MAGI1: variants seen among roughly 807,000 people sequenced by gnomAD.
MAGI1 encodes the protein membrane-associated guanylate kinase, WW and PDZ domain-containing protein 1.
Under a neutral mutation model 139.9 loss-of-function variants are expected in MAGI1, and 58 were observed. That is an observed-to-expected ratio of 0.41 (90% CI 0.34 to 0.52). MAGI1 has a LOEUF of 0.52. MAGI1 is among the 20% of genes least tolerant of loss of function. The pLI is 0.12. For synonymous variants in MAGI1, 812 were observed against 737.9 expected (o/e 1.10, Z -1.63); for missense variants, 1,874 against 1,901.6 (o/e 0.99, Z 0.27).
intron 1 of MAGI1, among the ~76,000 whole-genome samples, chr3:65,927,701 C>A (rs1011641071): frequency 3.3e-5 from 5 of 152,170 alleles, no homozygotes; most frequent in African/African-American, 1.2e-4. Flanking sequence ...GCTGGCAGTT[C>A]CTGTGGAAAG....
chr3:65,624,278 C>A (rs6445490), intron 1 of MAGI1, among the ~76,000 whole-genome samples: 1 of 151,568 alleles, frequency 6.6e-6, no homozygotes, highest in African/African-American at 2.4e-5. Flanking sequence ...ATTTACATGA[C>A]AGAAATGAAA....
intron 8 of MAGI1, among the ~76,000 whole-genome samples, chr3:65,440,585 G>A (rs6798690): frequency 0.3 from 45,566 of 151,974 alleles, 7,872 homozygotes; most frequent in East Asian, 0.7. Context: ...GTTCACAGAA[G>A]CATAAGCATT....
At chr3:66,037,925 G>A (rs1355812365) in intron 1 of MAGI1, 71 bp downstream of exon 1, 1 of 1,509,364 alleles carries the variant, frequency 6.6e-7, no homozygotes, top group African/African-American at 1.4e-5. Context: ...GCAGGAAATC[G>A]AGAATAAGGG....
chr3:66,003,383 C>G (rs768005392), intron 1 of MAGI1, among the ~76,000 whole-genome samples: 3 of 152,026 alleles, frequency 2.0e-5, no homozygotes, highest in East Asian at 3.9e-4. Flanking sequence ...AGGACATGCA[C>G]GGTGGCTCAT....
At chr3:65,988,851 C>G (rs1003135588) in intron 1 of MAGI1, among the ~76,000 whole-genome samples, 1 of 152,168 alleles carries the variant, frequency 6.6e-6, no homozygotes, top group African/African-American at 2.4e-5. Context: ...CACCCACTGA[C>G]TTATTAACAA....
chr3:65,884,918 C>G (rs2060472917), intron 1 of MAGI1, among the ~76,000 whole-genome samples: 1 of 152,084 alleles, frequency 6.6e-6, no homozygotes, highest in Non-Finnish European at 1.5e-5. Context: ...AGATCTAAAA[C>G]CAAGTAATTC....
At position 65,737,955 on chromosome 3, in the gene MAGI1, C is replaced by T. The variant is rs188173501; in HGVS notation, c.314-115867G>A. Among the ~76,000 whole-genome samples the T allele has an allele frequency of 2.0e-5, 3 of 152,272 alleles. No homozygotes were observed. In the East Asian group the frequency reaches 5.8e-4, roughly 29 times the overall value. ...CTCCTAAAATCAGATTCCACATTCC[C>T]TTACAATATTCTAACTTGAAAATAA... On this transcript the variant is annotated intron_variant, in intron 1 of 22. Transcript: ENST00000402939.
chr3:65,892,398 G>A (rs1559984263), intron 1 of MAGI1, among the ~76,000 whole-genome samples: 1 of 152,064 alleles, frequency 6.6e-6, no homozygotes, highest in Admixed American at 6.6e-5. Flanking sequence ...TAAAATAATA[G>A]CAGAATCAGA....
chr3:65,536,790 T>C (rs1165045203), intron 2 of MAGI1, among the ~76,000 whole-genome samples: 1 of 152,100 alleles, frequency 6.6e-6, no homozygotes, highest in Non-Finnish European at 1.5e-5. Flanking sequence ...GATGCTAAGC[T>C]TCAAGGATGG....
chr3:65,602,011 A>G lies in MAGI1; in HGVS notation c.430+19961T>C, dbSNP rs558678516. On this transcript the variant is annotated intron_variant, in intron 2 of 22. Transcript: ENST00000402939. ...CAACAAGCATATGGGAAGATGCTCAACAAATCAAAACCACAATGACATCCC... is the reference window on the plus strand; with the variant it reads ...CAACAAGCATATGGGAAGATGCTCAGCAAATCAAAACCACAATGACATCCC... Among the ~76,000 whole-genome samples, 3 of 152,270 alleles carry G rather than the reference A, an allele frequency of 2.0e-5. No individual in the cohort carries two copies. The East Asian group carries it at 5.8e-4, about 29-fold the overall frequency.
chr3:65,390,453 T>C (rs950777545), intron 14 of MAGI1, among the ~76,000 whole-genome samples: 4 of 152,158 alleles, frequency 2.6e-5, no homozygotes, highest in African/African-American at 9.7e-5. Flanking sequence ...GGAACTTTCA[T>C]TGGTAAGATA....
At chr3:65,461,912 A>G (rs1949824378) in intron 5 of MAGI1, among the ~76,000 whole-genome samples, 1 of 152,274 alleles carries the variant, frequency 6.6e-6, no homozygotes, top group East Asian at 1.9e-4. Context: ...TGTTGGCCAC[A>G]TAAATGTCTT....
intron 1 of MAGI1, among the ~76,000 whole-genome samples, chr3:65,713,174 G>A (rs974407209): frequency 1.3e-5 from 2 of 152,114 alleles, no homozygotes; most frequent in South Asian, 2.1e-4. Context: ...TGCTGTTTGT[G>A]GGCATAAAAC....
At chr3:66,002,573 T>C (rs935396974) in intron 1 of MAGI1, among the ~76,000 whole-genome samples, 8 of 152,150 alleles carry the variant, frequency 5.3e-5, no homozygotes, top group African/African-American at 1.2e-4. Flanking sequence ...TGGAGTACAG[T>C]GGCGCGATCT....
intron 2 of MAGI1, among the ~76,000 whole-genome samples, chr3:65,530,433 A>T (rs2078589771): frequency 6.6e-6 from 1 of 151,806 alleles, no homozygotes; most frequent in African/African-American, 2.4e-5. Flanking sequence ...GGGCAATGTA[A>T]TGAGACCCCG....
At position 65,688,179 on chromosome 3, in the gene MAGI1, G is replaced by A. The variant is rs577881531; in HGVS notation, c.314-66091C>T. 428 of 763,862 alleles carry A rather than the reference G, an allele frequency of 5.6e-4. 1 individual carries two copies. The highest frequency in any genetic ancestry group is 7.1e-4 in the South Asian group (53 of 74,744). The allele number at this position is 763,862 out of a possible 1,614,324, so 47.3% of individuals were successfully genotyped here. A position where few individuals can be genotyped will look rare whatever the true frequency, so the allele number is the denominator to read the frequency against. On this transcript the variant is annotated intron_variant, in intron 1 of 22. Transcript: ENST00000402939. The stretch of plus-strand genomic sequence containing the variant: ...GGGTATCACTGACCCCCGTGAGAGC[G>A]GCAACTTCAGAGTACACACAGTCAT...
At chr3:65,635,807 G>A (rs2084582888) in intron 1 of MAGI1, among the ~76,000 whole-genome samples, 1 of 152,218 alleles carries the variant, frequency 6.6e-6, no homozygotes, top group Non-Finnish European at 1.5e-5. Context: ...ATTGCAAACT[G>A]TATTCTAATA....
chr3:65,861,408 G>C (rs59459025), intron 1 of MAGI1, among the ~76,000 whole-genome samples: 27 of 152,222 alleles, frequency 1.8e-4, no homozygotes, highest in African/African-American at 6.3e-4. Context: ...TAAAGACTTG[G>C]AGTTTGCAAT....
intron 2 of MAGI1, among the ~76,000 whole-genome samples, chr3:65,506,342 C>T (rs181069978): frequency 5.3e-5 from 8 of 152,246 alleles, no homozygotes; most frequent in East Asian, 1.9e-4. Flanking sequence ...TATCTGCCCA[C>T]GCCCGCCCCC....
Sources: gnomAD v4.1 joint callset for allele counts (sites outside exome capture counted in the v4.1 genomes callset) on GRCh38, gnomAD v4.1.1 for gene constraint, MANE v1.5 for transcripts, NCBI Gene and HGNC (gene_info 2026-07-23, HGNC 2026-07-21) for gene names.